LRFN5: variants seen among roughly 807,000 people sequenced by gnomAD.
The protein encoded by LRFN5 is leucine rich repeat and fibronectin type III domain containing 5.
Under a neutral mutation model 45.6 loss-of-function variants are expected in LRFN5, and 24 were observed. The observed-to-expected ratio is 0.53, with a 90% CI of 0.38 to 0.74. LRFN5 has a LOEUF of 0.74. LRFN5 is among the 30% of genes least tolerant of loss of function. The pLI, the probability that LRFN5 is intolerant of heterozygous loss-of-function variation, is 0.00. For missense variants in LRFN5, 776 were observed against 861.5 expected, an observed-to-expected ratio of 0.90 and a Z score of 1.24; for synonymous variants, 340 against 313.8, an observed-to-expected ratio of 1.08 and a Z score of -0.88.
At position 41,878,418 on chromosome 14, in the gene LRFN5, G is replaced by A. The variant is rs1304529786; in HGVS notation, c.-20-8188G>A. ...CTGCAGAGAATAGGCTTTAGTCTCA[G>A]TTGGTTGTAAAAATCTAAATTTGCT... is the stretch of plus-strand genomic sequence containing the variant. On this transcript the variant is annotated intron_variant, in intron 2 of 5. Coordinates refer to ENST00000298119, the MANE Select transcript of LRFN5 (RefSeq NM_152447.5). Among the ~76,000 whole-genome samples the A allele has an allele frequency of 4.6e-5, 7 of 152,124 alleles. No individual in the cohort carries two copies. In the South Asian group the frequency reaches 1.2e-3, roughly 27 times the overall value.
intron 1 of LRFN5, among the ~76,000 whole-genome samples, chr14:41,653,050 A>G (rs1226690067): frequency 2.6e-5 from 4 of 152,134 alleles, no homozygotes; most frequent in African/African-American, 9.7e-5. Context: ...TTCCTTGTAG[A>G]TGCTGGATAT....
chr14:41,672,871 T>A (rs1181409102), intron 1 of LRFN5, among the ~76,000 whole-genome samples: 1 of 152,132 alleles, frequency 6.6e-6, no homozygotes, highest in Non-Finnish European at 1.5e-5. Flanking sequence ...ATTGTTTTTA[T>A]CTATGCCTTT....
chr14:41,641,993 T>TA (rs1879601566), intron 1 of LRFN5, among the ~76,000 whole-genome samples: 1 of 152,178 alleles, frequency 6.6e-6, no homozygotes, highest in Non-Finnish European at 1.5e-5. Context: ...AACCATGTTC[T>TA]ATTTCTGACA....
chr14:41,856,672 A>ATTATTATTTTTTTTTT (rs1555326971), intron 2 of LRFN5, among the ~76,000 whole-genome samples: 1 of 5,984 alleles, frequency 1.7e-4, no homozygotes, highest in Non-Finnish European at 6.2e-4. Context: ...TATTATTATT[A>ATTATTATTTTTTTTTT]TTATTTTTTT....
rs1886164 is a variant in LRFN5, at chr14:41,886,802, A to C, written c.177A>C (p.Ala59=). The change falls in exon 3 of 6, where the codon GCA becomes GCC. Residue 59 remains alanine, a synonymous_variant. Coordinates refer to ENST00000298119, the MANE Select transcript of LRFN5 (RefSeq NM_152447.5). ...GAAGAACTGTGGAACTGCGGTTGGC[A>C]GACAATTTTGTTACAAATATTAAAA... ...IDRRTVELRL[A]DNFVTNIKRK... is the part of the protein sequence containing the mutation. 8.6e-4 allele frequency: 1,393 copies of C among 1,614,110 alleles called. 9 individuals carry two copies. In the African/African-American group the frequency reaches 0.017, roughly 20 times the overall value.
chr14:41,856,120 A>G (rs139007383), intron 2 of LRFN5, among the ~76,000 whole-genome samples: 49 of 152,326 alleles, frequency 3.2e-4, no homozygotes, highest in African/African-American at 1.2e-3. Context: ...GGAATGTGAC[A>G]TGTACAAAGA....
intron 2 of LRFN5, among the ~76,000 whole-genome samples, chr14:41,877,980 G>A (rs149466824): frequency 0.017 from 2,540 of 152,034 alleles, 36 homozygotes; most frequent in Middle Eastern, 0.034. Flanking sequence ...ATCCCAAAAT[G>A]TAATTGTTCC....
chr14:41,889,649 G>A (rs1890709662), intron 3 of LRFN5, among the ~76,000 whole-genome samples: 1 of 152,170 alleles, frequency 6.6e-6, no homozygotes, highest in South Asian at 2.1e-4. Context: ...GAAATTTCTG[G>A]AATCCCTGAC....
At chr14:41,655,286 ATTAT>A (rs1880325090) in intron 1 of LRFN5, among the ~76,000 whole-genome samples, 1 of 152,056 alleles carries the variant, frequency 6.6e-6, no homozygotes, top group Non-Finnish European at 1.5e-5. Flanking sequence ...TGGAAGGGTT[ATTAT>A]TTTATATAGA....
chr14:41,636,727 C>A (rs780036235), intron 1 of LRFN5, among the ~76,000 whole-genome samples: 1 of 152,072 alleles, frequency 6.6e-6, no homozygotes, highest in South Asian at 2.1e-4. Flanking sequence ...ACAGAACACA[C>A]TCATATGCAG....
chr14:41,734,565 GCTT>G (rs1207535439), intron 1 of LRFN5, among the ~76,000 whole-genome samples: 1 of 150,016 alleles, frequency 6.7e-6, no homozygotes, highest in African/African-American at 2.4e-5. Flanking sequence ...GGTGAAGTAA[GCTT>G]CTTATAAGCA....
intron 1 of LRFN5, among the ~76,000 whole-genome samples, chr14:41,668,525 G>A (rs972604460): frequency 6.6e-6 from 1 of 151,664 alleles, no homozygotes; most frequent in Non-Finnish European, 1.5e-5. Flanking sequence ...AAAAAATCCT[G>A]GGTCAGCAAA....
At chr14:41,783,833 A>G (rs1253049337) in intron 2 of LRFN5, among the ~76,000 whole-genome samples, 1 of 152,128 alleles carries the variant, frequency 6.6e-6, no homozygotes, top group East Asian at 1.9e-4. Context: ...TTTTAGTTTC[A>G]TAATGGTGAT....
chr14:41,845,073 G>A (rs977791434), intron 2 of LRFN5, among the ~76,000 whole-genome samples: 1 of 151,980 alleles, frequency 6.6e-6, no homozygotes, highest in Non-Finnish European at 1.5e-5. Context: ...TAAAATGAAC[G>A]TGCACAATTT....
intron 2 of LRFN5, among the ~76,000 whole-genome samples, chr14:41,802,409 G>A (rs1237845029): frequency 2.6e-5 from 4 of 152,086 alleles, no homozygotes; most frequent in Non-Finnish European, 4.4e-5. Context: ...CTAATACTAA[G>A]GGTAGGAGAT....
chr14:41,665,720 A>G (rs889657857), intron 1 of LRFN5, among the ~76,000 whole-genome samples: 3 of 152,052 alleles, frequency 2.0e-5, no homozygotes, highest in African/African-American at 7.2e-5. Flanking sequence ...GGATAAAGTT[A>G]AAACTCCATA....
intron 2 of LRFN5, among the ~76,000 whole-genome samples, chr14:41,803,735 A>G (rs1248566638): frequency 6.6e-6 from 1 of 152,152 alleles, no homozygotes; most frequent in Non-Finnish European, 1.5e-5. Flanking sequence ...AGTTCTCAAA[A>G]TGTAACTCCC....
rs1002027898 is a variant in LRFN5 at position 41,828,714 on chromosome 14, A to G, written c.-20-57892A>G. On this transcript the variant is annotated intron_variant, in intron 2 of 5. Transcript: ENST00000298119. The stretch of plus-strand genomic sequence containing the variant: ...TCTCTTCACTAAATCTCAAGCTTCT[A>G]TTGTCAACACTGTGATAGTCAGGGA... 4.6e-5 allele frequency among the ~76,000 whole-genome samples: 7 copies of G among 151,942 alleles called. 1 individual carries two copies. In the South Asian group the frequency reaches 1.2e-3, roughly 27 times the overall value.
chr14:41,803,893 T>C (rs1887427328), intron 2 of LRFN5, among the ~76,000 whole-genome samples: 1 of 151,852 alleles, frequency 6.6e-6, no homozygotes, highest in Non-Finnish European at 1.5e-5. Flanking sequence ...AGACAGAGTC[T>C]CACTCTGTCA....
Sources: gnomAD v4.1 joint callset for allele counts (sites outside exome capture counted in the v4.1 genomes callset) on GRCh38, gnomAD v4.1.1 for gene constraint, MANE v1.5 for transcripts, NCBI Gene and HGNC (gene_info 2026-07-23, HGNC 2026-07-21) for gene names.